The following CCBE1 variants were observed in gnomAD, a reference collection of about 807,000 sequenced individuals.
CCBE1 encodes collagen and calcium-binding EGF domain-containing protein 1.
Under a neutral mutation model 50.0 loss-of-function variants are expected in CCBE1, and 37 were observed. The ratio of observed to expected loss-of-function variants is 0.74; its 90% CI spans 0.57 to 0.97. The LOEUF (loss-of-function observed/expected upper bound fraction) is 0.97. CCBE1 is among the 50% of genes least tolerant of loss of function. The pLI is 0.00. For synonymous variants in CCBE1, 234 were observed against 203.7 expected, an observed-to-expected ratio of 1.15 and a Z score of -1.27; for missense variants, 538 against 523.8, an observed-to-expected ratio of 1.03 and a Z score of -0.26.
intron 2 of CCBE1, among the ~76,000 whole-genome samples, chr18:59,676,461 A>T (rs1268048444): frequency 6.6e-6 from 1 of 152,132 alleles, no homozygotes; most frequent in Non-Finnish European, 1.5e-5. Context: ...CTTTCAATTT[A>T]TGCTATCTTC....
chr18:59,502,855 G>A (rs1224187060), intron 2 of CCBE1, among the ~76,000 whole-genome samples: 1 of 152,146 alleles, frequency 6.6e-6, no homozygotes, highest in Admixed American at 6.5e-5. Context: ...AAGGAGGGAG[G>A]CCTGCTGCAA....
chr18:59,439,205 T>C (rs777057530), intron 9 of CCBE1, among the ~76,000 whole-genome samples: 2 of 151,990 alleles, frequency 1.3e-5, no homozygotes, highest in Non-Finnish European at 2.9e-5. Context: ...GAGAATGGCG[T>C]GAACTCGGGA....
chr18:59,504,327 T>G (rs1913767379), intron 2 of CCBE1, among the ~76,000 whole-genome samples: 1 of 152,192 alleles, frequency 6.6e-6, no homozygotes, highest in Admixed American at 6.5e-5. Context: ...CCAAAAGTAT[T>G]TTCCTCAGTA....
chr18:59,575,596 A>G (rs1156676420), intron 2 of CCBE1, among the ~76,000 whole-genome samples: 1 of 152,236 alleles, frequency 6.6e-6, no homozygotes, highest in East Asian at 1.9e-4. Context: ...GAGAGGAGCA[A>G]GAGAATAAAG....
chr18:59,439,867 G>A (rs1224849396), intron 7 of CCBE1, 51 bp from the exon 8 acceptor site: 12 of 1,605,880 alleles, frequency 7.5e-6, no homozygotes, highest in Non-Finnish European at 1.0e-5. Context: ...AAGGACAAAG[G>A]GCCCTGGCTA....
In CCBE1 at chr18:59,491,835, C is replaced by CAAACAAATAAACAAACAA. The variant is rs71177029; in HGVS notation, c.213-11598_213-11597insTTGTTTGTTTATTTGTTT. 6.1e-5 allele frequency among the ~76,000 whole-genome samples: 9 copies of CAAACAAATAAACAAACAA among 148,746 alleles called. No homozygotes were observed. In the East Asian group the frequency reaches 1.4e-3, roughly 23 times the overall value. On this transcript the variant is annotated intron_variant, in intron 2 of 10. Coordinates refer to ENST00000439986, the MANE Select transcript of CCBE1 (RefSeq NM_133459.4). ...GTCTCCAAACAAACAAACAAACAAA[C>CAAACAAATAAACAAACAA]AAAAAAAAACGTTTCATGGTCTATT...
chr18:59,542,712 T>C (rs1915517431), intron 2 of CCBE1, among the ~76,000 whole-genome samples: 1 of 152,238 alleles, frequency 6.6e-6, no homozygotes, highest in South Asian at 2.1e-4. Context: ...AGTACGGGAC[T>C]GAGGGTGCTT....
At chr18:59,571,019 A>G (rs576990769) in intron 2 of CCBE1, among the ~76,000 whole-genome samples, 2 of 152,286 alleles carry the variant, frequency 1.3e-5, no homozygotes, top group East Asian at 3.9e-4. Flanking sequence ...GTTGTAACGT[A>G]TGAACTTCAG....
At position 59,599,285 on chromosome 18, in the gene CCBE1, T is replaced by G. The variant is rs187558209; in HGVS notation, c.212+97344A>C. ...AAATTATATTATGTGCCAGGTACCA[T>G]GCTGGATACCGTTAATTCATAATCT... On this transcript the variant is annotated intron_variant, in intron 2 of 10. Transcript: ENST00000439986. 2.6e-5 allele frequency among the ~76,000 whole-genome samples: 4 copies of G among 152,322 alleles called. No homozygotes were observed. The East Asian group carries it at 7.7e-4, about 29-fold the overall frequency.
chr18:59,516,485 T>C (rs1296129093), intron 2 of CCBE1, among the ~76,000 whole-genome samples: 3 of 152,198 alleles, frequency 2.0e-5, no homozygotes, highest in African/African-American at 7.2e-5. Flanking sequence ...TGTTTGTTGT[T>C]GCAACAGGAC....
chr18:59,510,549 G>C (rs1292945012), intron 2 of CCBE1, among the ~76,000 whole-genome samples: 2 of 152,084 alleles, frequency 1.3e-5, no homozygotes, highest in African/African-American at 2.4e-5. Context: ...AGCGTCTCAA[G>C]TAGCTGGGAT....
chr18:59,625,911 A>G (rs2144616034), intron 2 of CCBE1, among the ~76,000 whole-genome samples: 1 of 152,314 alleles, frequency 6.6e-6, no homozygotes, highest in African/African-American at 2.4e-5. Context: ...AGGCTCTCAG[A>G]CACCGCACCT....
chr18:59,476,633 C>T (rs671778), intron 3 of CCBE1, among the ~76,000 whole-genome samples: 101,103 of 152,212 alleles, frequency 0.66, 34,027 homozygotes, highest in East Asian at 0.84. Context: ...GCACAGGCCA[C>T]AGTTCACTGA....
chr18:59,625,355 C>T (rs932012069), intron 2 of CCBE1, among the ~76,000 whole-genome samples: 36 of 145,050 alleles, frequency 2.5e-4, no homozygotes, highest in Non-Finnish European at 4.8e-4. Context: ...GGTGTGAATC[C>T]GGGAGGCGGA....
chr18:59,554,498 C>T (rs1944987), intron 2 of CCBE1, among the ~76,000 whole-genome samples: 112,632 of 152,144 alleles, frequency 0.74, 41,930 homozygotes, highest in East Asian at 0.88. Context: ...TGCCATTAAG[C>T]CAAAGGTCCT....
intron 2 of CCBE1, among the ~76,000 whole-genome samples, chr18:59,521,366 G>A (rs375058040): frequency 6.6e-6 from 1 of 152,282 alleles, no homozygotes; most frequent in South Asian, 2.1e-4. Context: ...ATAAAGAAAT[G>A]TATCCATGAG....
At chr18:59,513,743 G>C (rs559140780) in intron 2 of CCBE1, among the ~76,000 whole-genome samples, 1 of 152,356 alleles carries the variant, frequency 6.6e-6, no homozygotes, top group South Asian at 2.1e-4. Flanking sequence ...GGTAACATTA[G>C]AGGGCTTATC....
At chr18:59,564,159 C>A (rs1184791677) in intron 2 of CCBE1, 1 of 152,196 alleles carries the variant, frequency 6.6e-6, no homozygotes, top group Non-Finnish European at 1.5e-5. Context: ...CCTCTTAACT[C>A]TAAAACTTTC....
intron 2 of CCBE1, among the ~76,000 whole-genome samples, chr18:59,624,069 T>C (rs1317841205): frequency 6.6e-6 from 1 of 152,216 alleles, no homozygotes; most frequent in East Asian, 1.9e-4. Context: ...GAGGGTGGTC[T>C]GCCTGGGCCA....
Sources: gnomAD v4.1 joint callset for allele counts (sites outside exome capture counted in the v4.1 genomes callset) on GRCh38, gnomAD v4.1.1 for gene constraint, MANE v1.5 for transcripts, NCBI Gene and HGNC (gene_info 2026-07-23, HGNC 2026-07-21) for gene names.